Variants in LRMDA observed in about 807,000 individuals in gnomAD.
LRMDA encodes leucine rich melanocyte differentiation associated, also known as leucine-rich melanocyte differentiation-associated protein.
A neutral mutation model predicts 29.8 loss-of-function variants in LRMDA; 18 were observed. That is an observed-to-expected ratio of 0.60 (90% CI 0.42 to 0.90). LRMDA has a LOEUF of 0.90. Ranked by LOEUF, LRMDA falls within the 40% of genes least tolerant of loss-of-function variation. The pLI, the probability that LRMDA is intolerant of heterozygous loss-of-function variation, is 0.00. For synonymous variants in LRMDA, 125 were observed against 109.4 expected (o/e 1.14, Z -0.89); for missense variants, 273 against 273.9 (o/e 1.00, Z 0.02).
intron 6 of LRMDA, among the ~76,000 whole-genome samples, chr10:76,516,719 C>T (rs1194542184): frequency 6.6e-6 from 1 of 152,172 alleles, no homozygotes; most frequent in Non-Finnish European, 1.5e-5. Context: ...ATATGTGCCA[C>T]ATTTTCTTAA....
At chr10:75,769,248 G>A (rs192798196) in intron 2 of LRMDA, among the ~76,000 whole-genome samples, 47 of 152,324 alleles carry the variant, frequency 3.1e-4, no homozygotes, top group African/African-American at 1.0e-3. Flanking sequence ...AAAAGGAGCC[G>A]AGTATGATAC....
intron 2 of LRMDA, among the ~76,000 whole-genome samples, chr10:75,800,638 C>A (rs1367185776): frequency 2.0e-5 from 3 of 151,964 alleles, no homozygotes; most frequent in Non-Finnish European, 4.4e-5. Flanking sequence ...TGCTGATATT[C>A]CCCTATTATG....
intron 2 of LRMDA, among the ~76,000 whole-genome samples, chr10:75,492,384 G>T (rs1041043959): frequency 6.6e-6 from 1 of 152,104 alleles, no homozygotes; most frequent in Non-Finnish European, 1.5e-5. Flanking sequence ...GACGCTTTAG[G>T]TATCTGCCCC....
At chr10:76,281,267 T>A (rs1024480015) in intron 5 of LRMDA, among the ~76,000 whole-genome samples, 2 of 152,172 alleles carry the variant, frequency 1.3e-5, no homozygotes, top group African/African-American at 4.8e-5. Context: ...AGGTCCTTTG[T>A]TGGAGCAAAG....
At chr10:76,057,891 A>G (rs2132053791) in intron 4 of LRMDA, among the ~76,000 whole-genome samples, 1 of 152,340 alleles carries the variant, frequency 6.6e-6, no homozygotes, top group African/African-American at 2.4e-5. Context: ...CATTTATATA[A>G]CTATACCCTG....
chr10:75,904,056 C>T (rs143169754), intron 2 of LRMDA, among the ~76,000 whole-genome samples: 51 of 152,294 alleles, frequency 3.3e-4, no homozygotes, highest in African/African-American at 1.0e-3. Flanking sequence ...CTTGGAATGA[C>T]GGCTGTGGCT....
At chr10:76,227,679 C>A (rs1408356108) in intron 5 of LRMDA, among the ~76,000 whole-genome samples, 1 of 152,162 alleles carries the variant, frequency 6.6e-6, no homozygotes, top group East Asian at 1.9e-4. Context: ...AGTGTTAAGA[C>A]CAGAGAATCA....
chr10:75,831,325 G>A (rs1844340524), intron 2 of LRMDA, among the ~76,000 whole-genome samples: 1 of 152,156 alleles, frequency 6.6e-6, no homozygotes, highest in African/African-American at 2.4e-5. Context: ...GGGATTACAA[G>A]CGTGAGCCAC....
At chr10:75,866,337 T>C (rs975630193) in intron 2 of LRMDA, among the ~76,000 whole-genome samples, 9 of 152,172 alleles carry the variant, frequency 5.9e-5, no homozygotes, top group African/African-American at 1.9e-4. Context: ...ACACTCAGCT[T>C]TGTGGCCTAC....
chr10:76,414,922 C>T (rs1343261343), intron 6 of LRMDA, among the ~76,000 whole-genome samples: 1 of 152,234 alleles, frequency 6.6e-6, no homozygotes, highest in Non-Finnish European at 1.5e-5. Flanking sequence ...GAGGCATCTG[C>T]AGTTATGCAG....
At chr10:75,839,970 A>G (rs1307112244) in intron 2 of LRMDA, among the ~76,000 whole-genome samples, 1 of 152,144 alleles carries the variant, frequency 6.6e-6, no homozygotes, top group African/African-American at 2.4e-5. Context: ...GGCCTCCCAA[A>G]GTGCTGGGAT....
chr10:75,766,447 C>G lies in LRMDA; in HGVS notation c.132-269561C>G, dbSNP rs1843169073. 2.6e-5 allele frequency among the ~76,000 whole-genome samples: 4 copies of G among 152,286 alleles called. No individual in the cohort carries two copies. The South Asian group carries it at 6.2e-4, about 24-fold the overall frequency. ...ATGACATTTGGTAGACAGAGCTTCTCATTTCCCTCATGGCTTATGCATAGG... is the reference window on the plus strand; with the variant it reads ...ATGACATTTGGTAGACAGAGCTTCTGATTTCCCTCATGGCTTATGCATAGG... On this transcript the variant is annotated intron_variant, in intron 2 of 6. Coordinates refer to ENST00000611255, the MANE Select transcript of LRMDA (RefSeq NM_001305581.2).
chr10:75,678,345 G>A (rs1841985794), intron 2 of LRMDA, among the ~76,000 whole-genome samples: 1 of 152,108 alleles, frequency 6.6e-6, no homozygotes, highest in Non-Finnish European at 1.5e-5. Flanking sequence ...AAAAAGATTG[G>A]TTATTCTGTG....
chr10:75,528,844 A>C (rs538995093), intron 2 of LRMDA, among the ~76,000 whole-genome samples: 1 of 152,342 alleles, frequency 6.6e-6, no homozygotes, highest in African/African-American at 2.4e-5. Context: ...GGAGAGATAA[A>C]ACGAGATAGC....
rs1334404277 is a variant in LRMDA at position 75,871,550 on chromosome 10, C to G, written c.132-164458C>G. The stretch of plus-strand genomic sequence containing the variant: ...AAGAGCAGCAACCTTGATAATGCAC[C>G]CTGATGTTGGATTTTCCTCCTCCCC... On this transcript the variant is annotated intron_variant, in intron 2 of 6. Coordinates refer to ENST00000611255, the MANE Select transcript of LRMDA (RefSeq NM_001305581.2). 3.3e-5 allele frequency among the ~76,000 whole-genome samples: 5 copies of G among 152,192 alleles called. No homozygotes were observed. The East Asian group carries it at 5.8e-4, about 18-fold the overall frequency.
chr10:75,445,082 C>T (rs1156780419), intron 2 of LRMDA, among the ~76,000 whole-genome samples: 1 of 152,148 alleles, frequency 6.6e-6, no homozygotes, highest in Non-Finnish European at 1.5e-5. Flanking sequence ...GTGTGCACCA[C>T]CACCATGCCT....
At chr10:75,498,796 TGGG>T (rs1845078304) in intron 2 of LRMDA, among the ~76,000 whole-genome samples, 2 of 151,098 alleles carry the variant, frequency 1.3e-5, no homozygotes, top group Non-Finnish European at 2.9e-5. Context: ...CCAGGAATAA[TGGG>T]GGAATATAAA....
At chr10:75,637,294 G>A (rs1841400686) in intron 2 of LRMDA, among the ~76,000 whole-genome samples, 2 of 152,194 alleles carry the variant, frequency 1.3e-5, no homozygotes, top group Non-Finnish European at 1.5e-5. Context: ...TAAATACTGT[G>A]AATATTACCT....
At chr10:75,991,827 G>C (rs954023258) in intron 2 of LRMDA, among the ~76,000 whole-genome samples, 1 of 152,174 alleles carries the variant, frequency 6.6e-6, no homozygotes, top group Non-Finnish European at 1.5e-5. Context: ...TGATACTGAG[G>C]CCACACCACA....
Sources: gnomAD v4.1 joint callset for allele counts (sites outside exome capture counted in the v4.1 genomes callset) on GRCh38, gnomAD v4.1.1 for gene constraint, MANE v1.5 for transcripts, NCBI Gene and HGNC (gene_info 2026-07-23, HGNC 2026-07-21) for gene names.